Variants in ZNF609 observed in about 807,000 individuals in gnomAD.
ZNF609 encodes zinc finger protein 609.
Under a neutral mutation model 109.5 loss-of-function variants are expected in ZNF609, and 11 were observed. The observed-to-expected ratio is 0.10, with a 90% CI of 0.06 to 0.17. The LOEUF (loss-of-function observed/expected upper bound fraction) is 0.17, where lower values mean the gene tolerates loss of function less well. Ranked by LOEUF, ZNF609 falls within the 10% of genes least tolerant of loss-of-function variation. ZNF609 has a pLI of 1.00. For missense variants in ZNF609, 1,559 were observed against 1,772.4 expected (o/e 0.88, Z 2.16); for synonymous variants, 646 against 662.0 (o/e 0.98, Z 0.37).
chr15:64,603,750 C>T (rs564887301), intron 2 of ZNF609, among the ~76,000 whole-genome samples: 2 of 151,788 alleles, frequency 1.3e-5, no homozygotes, highest in African/African-American at 4.8e-5. Flanking sequence ...CCTGTAATCC[C>T]AGCACTTTGG....
intron 2 of ZNF609, among the ~76,000 whole-genome samples, chr15:64,581,032 T>C (rs1895096191): frequency 6.9e-6 from 1 of 144,302 alleles, no homozygotes; most frequent in African/African-American, 2.6e-5. Context: ...TAAATTTTTT[T>C]AGAGACGGGG....
At chr15:64,609,062 A>C (rs1270040696) in intron 2 of ZNF609, among the ~76,000 whole-genome samples, 5 of 105,954 alleles carry the variant, frequency 4.7e-5, no homozygotes, top group Non-Finnish European at 8.3e-5. Flanking sequence ...TTTAGTTTTA[A>C]TTTTTCTTTC....
intron 2 of ZNF609, among the ~76,000 whole-genome samples, chr15:64,536,054 A>G (rs190720492): frequency 1.3e-5 from 2 of 151,682 alleles, no homozygotes; most frequent in Admixed American, 1.3e-4. Flanking sequence ...TTAAATATAT[A>G]TTTTTTAGAG....
At chr15:64,494,060 C>T (rs557043628) in intron 1 of ZNF609, among the ~76,000 whole-genome samples, 1 of 152,212 alleles carries the variant, frequency 6.6e-6, no homozygotes, top group African/African-American at 2.4e-5. Context: ...TGAAAAGTCA[C>T]CTGGTTGAAA....
intron 2 of ZNF609, among the ~76,000 whole-genome samples, chr15:64,523,030 T>C (rs907882080): frequency 6.6e-6 from 1 of 152,116 alleles, no homozygotes; most frequent in African/African-American, 2.4e-5. Flanking sequence ...GATTTATTTA[T>C]TGTTCCTTTT....
At chr15:64,578,084 GA>G (rs533322140) in intron 2 of ZNF609, among the ~76,000 whole-genome samples, 1 of 151,514 alleles carries the variant, frequency 6.6e-6, no homozygotes, top group Non-Finnish European at 1.5e-5. Flanking sequence ...ACTGCATAGG[GA>G]AAAAAACATA....
chr15:64,492,480 A>G (rs1893427232), intron 1 of ZNF609, among the ~76,000 whole-genome samples: 1 of 152,198 alleles, frequency 6.6e-6, no homozygotes, highest in African/African-American at 2.4e-5. Flanking sequence ...AGTTCTCCCT[A>G]AGTTCATACA....
intron 2 of ZNF609, among the ~76,000 whole-genome samples, chr15:64,519,009 A>G (rs1338879544): frequency 6.6e-6 from 1 of 151,820 alleles, no homozygotes; most frequent in Non-Finnish European, 1.5e-5. Flanking sequence ...ATGGAATCAA[A>G]CAATCATATG....
intron 2 of ZNF609, among the ~76,000 whole-genome samples, chr15:64,539,841 T>G (rs1273858990): frequency 6.6e-6 from 1 of 152,070 alleles, no homozygotes; most frequent in Non-Finnish European, 1.5e-5. Context: ...TTCGCCATGT[T>G]GGCCAGGCTG....
intron 2 of ZNF609, among the ~76,000 whole-genome samples, chr15:64,572,276 G>GT (rs1941795753): frequency 6.6e-6 from 1 of 152,100 alleles, no homozygotes; most frequent in Non-Finnish European, 1.5e-5. Flanking sequence ...TAGGCAGATC[G>GT]TTTGAGTCTG....
intron 3 of ZNF609, among the ~76,000 whole-genome samples, chr15:64,641,959 A>G (rs1407507234): frequency 1.3e-5 from 2 of 152,144 alleles, no homozygotes; most frequent in Non-Finnish European, 2.9e-5. Flanking sequence ...GAAGACTCGT[A>G]CGTAATTTGA....
chr15:64,536,734 C>A (rs112472042), intron 2 of ZNF609, among the ~76,000 whole-genome samples: 47,211 of 123,528 alleles, frequency 0.38, 9,374 homozygotes, highest in Non-Finnish European at 0.5. Context: ...CCCCCCCCCC[C>A]AAAAAAAAAA....
chr15:64,596,954 C>T (rs1333501648), intron 2 of ZNF609, among the ~76,000 whole-genome samples: 1 of 152,138 alleles, frequency 6.6e-6, no homozygotes, highest in Non-Finnish European at 1.5e-5. Context: ...TGATAGTTGT[C>T]TTAGGCAGTT....
At chr15:64,488,618 T>G (rs1893364289) in intron 1 of ZNF609, among the ~76,000 whole-genome samples, 1 of 152,204 alleles carries the variant, frequency 6.6e-6, no homozygotes, top group African/African-American at 2.4e-5. Flanking sequence ...TTATATTTTT[T>G]GATAAGAGAA....
intron 2 of ZNF609, among the ~76,000 whole-genome samples, chr15:64,614,435 C>T (rs1025612790): frequency 4.0e-5 from 6 of 151,690 alleles, no homozygotes; most frequent in African/African-American, 9.7e-5. Context: ...GGGGTTTCAC[C>T]GTGTTAGCCA....
chr15:64,670,412 G>T lies in ZNF609; in HGVS notation c.1040G>T (p.Arg347Leu). Residue 347 changes from arginine to leucine, a missense_variant, in exon 4 of 10, where the codon CGA becomes CTA. This residue lies in a region of ZNF609 where 38 missense variants were observed against 82.1 expected (regional missense o/e 0.46). Transcript: ENST00000326648. Reference sequence around the variant, plus strand: ...GTAGGTACACTCCTTGACTGCACACGACATGATTGGGCACCCCCAAGGTAA... The same window carrying T: ...GTAGGTACACTCCTTGACTGCACACTACATGATTGGGCACCCCCAAGGTAA... ...TYVGTLLDCT[R>L]HDWAPPRFCD... 2.5e-6 allele frequency: 4 copies of T among 1,614,108 alleles called. No individual in the cohort carries two copies. Among genetic ancestry groups the T allele is most frequent in the South Asian group, 1.1e-5 (1 of 91,084 alleles).
At chr15:64,524,496 G>A (rs765731469) in intron 2 of ZNF609, among the ~76,000 whole-genome samples, 112 of 151,896 alleles carry the variant, frequency 7.4e-4, no homozygotes, top group Non-Finnish European at 7.5e-4. Flanking sequence ...CCCGGGAGGT[G>A]GAGGTTGCAA....
At chr15:64,548,736 T>G (rs1459604833) in intron 2 of ZNF609, among the ~76,000 whole-genome samples, 1 of 152,130 alleles carries the variant, frequency 6.6e-6, no homozygotes, top group Non-Finnish European at 1.5e-5. Flanking sequence ...CACTTTAGCC[T>G]GGGCAACAGA....
At chr15:64,513,889 C>T (rs112199447) in intron 2 of ZNF609, among the ~76,000 whole-genome samples, 4,464 of 152,044 alleles carry the variant, frequency 0.029, 237 homozygotes, top group African/African-American at 0.1. Flanking sequence ...CTTAGAAGTT[C>T]AAGACCAGCC....
Sources: allele counts gnomAD v4.1 joint callset (sites outside exome capture counted in the v4.1 genomes callset), GRCh38; gene constraint gnomAD v4.1.1; regional missense constraint gnomAD v4.1.1; transcripts MANE v1.5; gene names NCBI Gene and HGNC (gene_info 2026-07-23, HGNC 2026-07-21).